The following SNX24 variants were observed in gnomAD, a reference collection of about 807,000 sequenced individuals.
SNX24 encodes the protein sorting nexin-24.
A neutral mutation model predicts 28.7 loss-of-function variants in SNX24; 22 were observed. The observed-to-expected ratio is 0.77, with a 90% CI of 0.55 to 1.10. The LOEUF (loss-of-function observed/expected upper bound fraction) is 1.10. Ranked by LOEUF, SNX24 falls within the 50% of genes least tolerant of loss-of-function variation. The probability of loss-of-function intolerance (pLI) is 0.00; values close to 1 mark genes in which losing one functional copy is unlikely to be tolerated. For synonymous variants in SNX24, 69 were observed against 71.5 expected (o/e 0.96, Z 0.18); for missense variants, 221 against 201.1 (o/e 1.10, Z -0.60).
chr5:122,991,147 G>T (rs2150166227), intron 3 of SNX24, among the ~76,000 whole-genome samples: 1 of 152,036 alleles, frequency 6.6e-6, no homozygotes, highest in South Asian at 2.1e-4. Context: ...TCCACCCACT[G>T]CAGCCTCCCA....
At chr5:122,893,920 G>T (rs529731976) in intron 1 of SNX24, among the ~76,000 whole-genome samples, 160 of 152,162 alleles carry the variant, frequency 1.1e-3, no homozygotes, top group Non-Finnish European at 1.8e-3. Flanking sequence ...GGTGATGGGT[G>T]CTTTGTAATC....
intron 5 of SNX24, among the ~76,000 whole-genome samples, chr5:123,019,614 G>A (rs1762734438): frequency 6.6e-6 from 1 of 152,128 alleles, no homozygotes; most frequent in South Asian, 2.1e-4. Context: ...ACTTGTAAGA[G>A]AACAAAATAA....
At chr5:123,017,354 T>C (rs1354386303) in intron 5 of SNX24, among the ~76,000 whole-genome samples, 1 of 152,004 alleles carries the variant, frequency 6.6e-6, no homozygotes, top group Non-Finnish European at 1.5e-5. Flanking sequence ...CCTCTTGCCA[T>C]CTGCCACTCA....
intron 1 of SNX24, among the ~76,000 whole-genome samples, chr5:122,868,905 A>T (rs1755848847): frequency 6.6e-6 from 1 of 152,242 alleles, no homozygotes; most frequent in African/African-American, 2.4e-5. Context: ...TAATTATTGT[A>T]CCACCTTCCA....
At chr5:122,877,962 G>A (rs1756306645) in intron 1 of SNX24, among the ~76,000 whole-genome samples, 1 of 152,128 alleles carries the variant, frequency 6.6e-6, no homozygotes, top group Non-Finnish European at 1.5e-5. Flanking sequence ...ACTCTGTTCA[G>A]ATGATGCTTG....
intron 1 of SNX24, among the ~76,000 whole-genome samples, chr5:122,884,999 A>G (rs763001059): frequency 2.6e-5 from 4 of 152,260 alleles, no homozygotes; most frequent in Non-Finnish European, 4.4e-5. Flanking sequence ...GAAGCACGCT[A>G]TTATGGAAAA....
At chr5:122,884,253 T>TTC (rs1471302007) in intron 1 of SNX24, among the ~76,000 whole-genome samples, 3 of 140,152 alleles carry the variant, frequency 2.1e-5, no homozygotes, top group Non-Finnish European at 4.6e-5. Flanking sequence ...TTCTTTTTCT[T>TTC]TTTTTTTTTT....
At chr5:122,928,590 G>T (rs401729) in intron 1 of SNX24, among the ~76,000 whole-genome samples, 116,781 of 151,662 alleles carry the variant, frequency 0.77, 45,828 homozygotes, top group East Asian at 0.99. Flanking sequence ...GTAGGTGGCT[G>T]CTAGGAGCTG....
chr5:122,987,436 G>C (rs1470431952), intron 3 of SNX24, among the ~76,000 whole-genome samples: 1 of 152,220 alleles, frequency 6.6e-6, no homozygotes, highest in African/African-American at 2.4e-5. Context: ...CTAGAGAAAA[G>C]TAACAAGATT....
At chr5:122,949,754 A>C (rs1759849859) in intron 3 of SNX24, among the ~76,000 whole-genome samples, 1 of 152,198 alleles carries the variant, frequency 6.6e-6, no homozygotes. Context: ...TTTCTGAACC[A>C]TTATTATTTT....
intron 3 of SNX24, among the ~76,000 whole-genome samples, chr5:122,961,055 T>C (rs935525182): frequency 3.9e-5 from 6 of 152,342 alleles, no homozygotes; most frequent in African/African-American, 1.4e-4. Context: ...TTTGTGGTCT[T>C]AAGTCAAACA....
intron 3 of SNX24, among the ~76,000 whole-genome samples, chr5:122,969,252 T>A (rs893635655): frequency 2.0e-5 from 3 of 152,200 alleles, no homozygotes; most frequent in Admixed American, 6.5e-5. Context: ...CTCTTGCTTG[T>A]GGGGTGTAAG....
chr5:122,858,617 A>T (rs1428424644), intron 1 of SNX24, among the ~76,000 whole-genome samples: 1 of 152,192 alleles, frequency 6.6e-6, no homozygotes, highest in Non-Finnish European at 1.5e-5. Context: ...GGACTGTGGT[A>T]TTATGCATTA....
chr5:122,962,019 C>T (rs577489917), intron 3 of SNX24, among the ~76,000 whole-genome samples: 50 of 152,218 alleles, frequency 3.3e-4, no homozygotes, highest in African/African-American at 1.2e-3. Context: ...TTCTATAAGA[C>T]TTTTTTTGTG....
intron 2 of SNX24, among the ~76,000 whole-genome samples, chr5:122,940,594 C>T (rs1759398515): frequency 6.6e-6 from 1 of 152,160 alleles, no homozygotes; most frequent in Admixed American, 6.5e-5. Context: ...TTATTTGAGA[C>T]AGAGTCTCAC....
intron 3 of SNX24, among the ~76,000 whole-genome samples, chr5:122,966,434 A>G (rs533335504): frequency 9.2e-5 from 14 of 152,252 alleles, no homozygotes; most frequent in Non-Finnish European, 1.5e-4. Context: ...CTGTGTTGCA[A>G]TTACTCCACT....
chr5:123,019,018 C>G (rs1235246821), intron 5 of SNX24, among the ~76,000 whole-genome samples: 3 of 134,784 alleles, frequency 2.2e-5, no homozygotes, highest in Non-Finnish European at 5.3e-5. Flanking sequence ...TTTGTATTAA[C>G]TCTATTTGTC....
intron 5 of SNX24, among the ~76,000 whole-genome samples, chr5:123,020,193 T>C (rs1561743449): frequency 6.6e-6 from 1 of 152,276 alleles, no homozygotes; most frequent in Non-Finnish European, 1.5e-5. Context: ...CAAGAGGTCA[T>C]TTGTTTCCAA....
At chr5:122,882,049 C>T (rs1329084918) in intron 1 of SNX24, among the ~76,000 whole-genome samples, 1 of 151,646 alleles carries the variant, frequency 6.6e-6, no homozygotes, top group Non-Finnish European at 1.5e-5. Context: ...CTCCTGGGCT[C>T]AAGTGATCCT....
Sources: gnomAD v4.1 joint callset for allele counts (sites outside exome capture counted in the v4.1 genomes callset) on GRCh38, gnomAD v4.1.1 for gene constraint, MANE v1.5 for transcripts, NCBI Gene and HGNC (gene_info 2026-07-23, HGNC 2026-07-21) for gene names.